CDK19: variants seen among roughly 807,000 people sequenced by gnomAD.
The protein encoded by CDK19 is cyclin dependent kinase 19, also known as cyclin-dependent kinase 19.
Under a neutral mutation model 68.3 loss-of-function variants are expected in CDK19, and 20 were observed. The ratio of observed to expected loss-of-function variants is 0.29; its 90% CI spans 0.21 to 0.43. The LOEUF (loss-of-function observed/expected upper bound fraction) is 0.43. Among genes scored for constraint, CDK19 ranks in the 20% least tolerant of loss-of-function variants. The pLI, the probability that CDK19 is intolerant of heterozygous loss-of-function variation, is 1.00. For missense variants in CDK19, 339 were observed against 623.5 expected (o/e 0.54, Z 4.86); for synonymous variants, 221 against 222.8 (o/e 0.99, Z 0.07).
intron 2 of CDK19, among the ~76,000 whole-genome samples, chr6:110,685,427 T>C (rs1412915976): frequency 6.6e-6 from 1 of 152,244 alleles, no homozygotes; most frequent in Non-Finnish European, 1.5e-5. Flanking sequence ...TTCCCATCCA[T>C]ACTGAATTAC....
chr6:110,663,657 C>CA (rs1781748061), intron 4 of CDK19, among the ~76,000 whole-genome samples: 1 of 152,170 alleles, frequency 6.6e-6, no homozygotes. Flanking sequence ...TCAGCCTCCT[C>CA]AGTAGCTGAA....
chr6:110,702,155 A>T (rs1230103717), intron 2 of CDK19, among the ~76,000 whole-genome samples: 2 of 151,994 alleles, frequency 1.3e-5, no homozygotes, highest in African/African-American at 2.4e-5. Context: ...AAATAAAAAT[A>T]AAAATAAATA....
chr6:110,677,467 G>C (rs901981524), intron 2 of CDK19, among the ~76,000 whole-genome samples: 3 of 151,856 alleles, frequency 2.0e-5, no homozygotes, highest in African/African-American at 7.3e-5. Context: ...TCCAGAGGCT[G>C]AGGCAGGAGA....
intron 1 of CDK19, among the ~76,000 whole-genome samples, chr6:110,750,562 C>T (rs181350790): frequency 2.0e-5 from 3 of 152,276 alleles, no homozygotes; most frequent in African/African-American, 4.8e-5. Flanking sequence ...AGGTTCATAT[C>T]AGATCTCAGA....
At chr6:110,667,321 A>G in intron 4 of CDK19, 113 bp downstream of exon 4, 3 of 678,180 alleles carry the variant, frequency 4.4e-6, no homozygotes, top group Non-Finnish European at 7.1e-6. Context: ...GCTTATGTAT[A>G]TTTTCAAGTT....
intron 2 of CDK19, among the ~76,000 whole-genome samples, chr6:110,675,154 A>G (rs1482605001): frequency 6.6e-6 from 1 of 152,250 alleles, no homozygotes; most frequent in Non-Finnish European, 1.5e-5. Flanking sequence ...AATGTAGACA[A>G]AAGAGAATTC....
intron 1 of CDK19, among the ~76,000 whole-genome samples, chr6:110,765,461 G>A (rs768418461): frequency 2.0e-5 from 3 of 151,756 alleles, no homozygotes; most frequent in Non-Finnish European, 2.9e-5. Flanking sequence ...GGTGGATCAC[G>A]AGGTCAGGAG....
intron 2 of CDK19, among the ~76,000 whole-genome samples, chr6:110,731,135 GAA>G (rs71926751): frequency 0.015 from 1,797 of 123,902 alleles, 42 homozygotes; most frequent in African/African-American, 0.055. Context: ...GAAAAGAAAA[GAA>G]AAAAGAAAAG....
At chr6:110,615,374 G>C (rs1326157832) in intron 12 of CDK19, among the ~76,000 whole-genome samples, 1 of 152,150 alleles carries the variant, frequency 6.6e-6, no homozygotes, top group Non-Finnish European at 1.5e-5. Context: ...CAAAAAAAAT[G>C]TGTAAAAGGA....
At chr6:110,748,920 C>A (rs997433607) in intron 1 of CDK19, among the ~76,000 whole-genome samples, 2 of 152,112 alleles carry the variant, frequency 1.3e-5, no homozygotes, top group African/African-American at 4.8e-5. Flanking sequence ...GGTGAACCTG[C>A]CTAGCCTACA....
At chr6:110,784,375 T>G (rs1286154516) in intron 1 of CDK19, among the ~76,000 whole-genome samples, 1 of 152,070 alleles carries the variant, frequency 6.6e-6, no homozygotes, top group African/African-American at 2.4e-5. Context: ...ACTAAGCACA[T>G]GAAAAAATGC....
chr6:110,731,099 AGAAAAGAAAAGAAAG>A (rs1248148334), intron 2 of CDK19, among the ~76,000 whole-genome samples: 2 of 148,404 alleles, frequency 1.3e-5, no homozygotes, highest in Non-Finnish European at 3.0e-5. Flanking sequence ...GAAGGAAGAA[AGAAAAGAAAAGAAAG>A]GAAAAGAAAA....
chr6:110,744,011 G>GTTTTTT (rs5879078), intron 2 of CDK19, among the ~76,000 whole-genome samples: 9 of 113,346 alleles, frequency 7.9e-5, no homozygotes, highest in Non-Finnish European at 1.2e-4. Context: ...ACCTCCCCAC[G>GTTTTTT]TTTTTTTTTT....
chr6:110,666,516 A>G (rs148883819), intron 4 of CDK19, among the ~76,000 whole-genome samples: 11 of 151,760 alleles, frequency 7.2e-5, no homozygotes, highest in African/African-American at 2.7e-4. Flanking sequence ...CTATCATTTA[A>G]CCCCAATTTA....
intron 2 of CDK19, among the ~76,000 whole-genome samples, chr6:110,744,952 T>A (rs1489264006): frequency 6.6e-6 from 1 of 152,194 alleles, no homozygotes; most frequent in Non-Finnish European, 1.5e-5. Flanking sequence ...GGGCAATATA[T>A]GTAATAGTTA....
intron 1 of CDK19, among the ~76,000 whole-genome samples, chr6:110,763,973 G>T (rs1779404593): frequency 6.6e-6 from 1 of 152,094 alleles, no homozygotes; most frequent in African/African-American, 2.4e-5. Context: ...AAAAATTGCA[G>T]TTGGAAATTA....
chr6:110,746,021 T>C, intron 2 of CDK19, 105 bp downstream of exon 2: 1 of 510,386 alleles, frequency 2.0e-6, no homozygotes, highest in Non-Finnish European at 3.3e-6. Context: ...AACTAACATA[T>C]GTAAAATAAA....
intron 4 of CDK19, among the ~76,000 whole-genome samples, chr6:110,645,154 C>T (rs1344157060): frequency 6.6e-6 from 1 of 152,162 alleles, no homozygotes; most frequent in Non-Finnish European, 1.5e-5. Context: ...TTAGAGAGTA[C>T]ACATTTTTCT....
intron 2 of CDK19, among the ~76,000 whole-genome samples, chr6:110,744,241 A>G (rs990128343): frequency 6.7e-6 from 1 of 148,920 alleles, no homozygotes; most frequent in Non-Finnish European, 1.5e-5. Flanking sequence ...TCCTGACCTC[A>G]GGTGATCCAC....
Sources: allele counts gnomAD v4.1 joint callset (sites outside exome capture counted in the v4.1 genomes callset), GRCh38; gene constraint gnomAD v4.1.1; transcripts MANE v1.5; gene names NCBI Gene and HGNC (gene_info 2026-07-23, HGNC 2026-07-21).